Variants in VAPA observed in about 807,000 individuals in gnomAD.
The protein encoded by VAPA is vesicle-associated membrane protein-associated protein A.
In VAPA, 6 loss-of-function variants were observed where a neutral mutation model predicts 25.6. The observed-to-expected ratio is 0.23, with a 90% confidence interval of 0.13 to 0.46. The LOEUF is 0.46. VAPA is among the 20% of genes least tolerant of loss of function. The pLI is 0.99. For synonymous variants in VAPA, 112 were observed against 106.2 expected, an observed-to-expected ratio of 1.05 and a Z score of -0.34; for missense variants, 244 against 302.1, an observed-to-expected ratio of 0.81 and a Z score of 1.43.
chr18:9,917,752 G>C (rs2069123910), intron 1 of VAPA, among the ~76,000 whole-genome samples: 1 of 152,160 alleles, frequency 6.6e-6, no homozygotes, highest in Admixed American at 6.5e-5. Flanking sequence ...CTGAGGGATC[G>C]AGGGACGTAT....
At chr18:9,918,148 C>G (rs929461250) in intron 1 of VAPA, among the ~76,000 whole-genome samples, 1 of 152,136 alleles carries the variant, frequency 6.6e-6, no homozygotes, top group African/African-American at 2.4e-5. Context: ...TCTATTTTTG[C>G]TGGCTAAGGT....
chr18:9,918,392 T>TA (rs1300042773), intron 1 of VAPA, among the ~76,000 whole-genome samples: 1 of 152,228 alleles, frequency 6.6e-6, no homozygotes, highest in Admixed American at 6.5e-5. Flanking sequence ...TTTTTCCAGT[T>TA]ACTCACCTTT....
At chr18:9,930,485 T>C (rs2069242828) in intron 1 of VAPA, among the ~76,000 whole-genome samples, 1 of 152,144 alleles carries the variant, frequency 6.6e-6, no homozygotes, top group South Asian at 2.1e-4. Flanking sequence ...TGTGGATTCA[T>C]GTAGTGAAAT....
In VAPA at chr18:9,956,018, G is replaced by T. The variant is rs942639053; in HGVS notation, c.*1807G>T. The T allele has an allele frequency of 2.0e-5, 3 of 152,014 alleles. No individual in the cohort carries two copies. Among genetic ancestry groups the T allele is most frequent in the Non-Finnish European group, 4.4e-5 (3 of 67,998 alleles). The allele number at this position is 152,014 out of a possible 1,614,324, so 9.4% of individuals were successfully genotyped here. On this transcript the variant is annotated 3_prime_UTR_variant, in exon 6 of 6. Transcript: ENST00000400000. ...CTCTTATATAATCAATATTATTGGT[G>T]GTAAATACCAAGTTTGGTATCTCAT...
Position 9,954,419 on chromosome 18 carries a change from C to T in VAPA, c.*208C>T. ...CGGCTACTGGACAGGTTGTATATTA[C>T]CAGATCATCACTAGCAGATGTCAGT... On this transcript the variant is annotated 3_prime_UTR_variant, in exon 6 of 6. Coordinates refer to ENST00000400000, the MANE Select transcript of VAPA (RefSeq NM_194434.3). 6.1e-6 allele frequency: 3 copies of T among 487,862 alleles called. No homozygotes were observed. Among genetic ancestry groups the T allele is most frequent in the Non-Finnish European group, 1.1e-5 (3 of 279,244 alleles). 30.2% of individuals were successfully genotyped at this position (487,862 alleles called of 1,614,324 possible). A position where few individuals can be genotyped will look rare whatever the true frequency, so the allele number is the denominator to read the frequency against.
At chr18:9,933,276 A>G (rs2069275289) in intron 2 of VAPA, among the ~76,000 whole-genome samples, 1 of 152,152 alleles carries the variant, frequency 6.6e-6, no homozygotes, top group Non-Finnish European at 1.5e-5. Context: ...AAAGGCCATG[A>G]AGGACAGACC....
At chr18:9,952,401 T>G (rs920343213) in intron 5 of VAPA, among the ~76,000 whole-genome samples, 11 of 151,958 alleles carry the variant, frequency 7.2e-5, no homozygotes, top group Non-Finnish European at 1.3e-4. Flanking sequence ...ACCCCGTCTC[T>G]ATTAAAAATA....
In VAPA at chr18:9,954,143, C is replaced by A; in HGVS notation, c.682C>A (p.Leu228Ile). Residue 228 changes from leucine (L) to isoleucine (I), a missense_variant, in exon 6 of 6, where the codon CTT (leucine) becomes ATT (isoleucine). Leu to Ile is a conservative substitution (Grantham distance 5). Coordinates refer to ENST00000400000, the MANE Select transcript of VAPA (RefSeq NM_194434.3). ...ASFRDNVTSP[L>I]PSLLVVIAAI... Reference sequence around the variant, plus strand: ...CTTCAGAGATAATGTCACCAGTCCTCTTCCTTCACTTCTTGTTGTAATTGC... The same window carrying A: ...CTTCAGAGATAATGTCACCAGTCCTATTCCTTCACTTCTTGTTGTAATTGC... 1 of 1,613,946 alleles carries A rather than the reference C, an allele frequency of 6.2e-7. No individual in the cohort carries two copies. Among genetic ancestry groups the A allele is most frequent in the South Asian group, 1.1e-5 (1 of 91,076 alleles).
rs1193369556 is a variant in VAPA, at chr18:9,950,697, C to T, written c.591+129C>T. The T allele has an allele frequency of 3.0e-5, 26 of 871,152 alleles. No individual in the cohort carries two copies. In the South Asian group the frequency reaches 4.2e-4, roughly 14 times the overall value. 54.0% of individuals were successfully genotyped at this position (871,152 alleles called of 1,614,324 possible). On this transcript the variant is annotated intron_variant, in intron 5 of 5. Transcript: ENST00000400000. ...AGTTCTTTCTTCTTTGCCCCAGTGC[C>T]TTTGCTCCCCACCCTACTCCTCTTT...
chr18:9,942,230 C>A (rs2143392828), intron 4 of VAPA, among the ~76,000 whole-genome samples: 1 of 152,270 alleles, frequency 6.6e-6, no homozygotes, highest in East Asian at 1.9e-4. Flanking sequence ...CACAGTCAAG[C>A]TAATTAACCT....
intron 1 of VAPA, among the ~76,000 whole-genome samples, chr18:9,927,989 T>C (rs1234365737): frequency 6.6e-6 from 1 of 152,152 alleles, no homozygotes; most frequent in Non-Finnish European, 1.5e-5. Flanking sequence ...CAAATAAATG[T>C]AACGTATGCA....
chr18:9,940,302 T>C (rs939173333), intron 4 of VAPA, among the ~76,000 whole-genome samples: 2 of 152,174 alleles, frequency 1.3e-5, no homozygotes, highest in East Asian at 3.9e-4. Context: ...TCATAGTCTT[T>C]GGTAATTTTC....
At chr18:9,936,545 C>G (rs995581288) in intron 3 of VAPA, 25 of 200,780 alleles carry the variant, frequency 1.2e-4, no homozygotes, top group African/African-American at 5.6e-4. Context: ...CCTGTCTCTA[C>G]AAAAACAAAC....
At chr18:9,919,361 TTGAG>T (rs1465052168) in intron 1 of VAPA, among the ~76,000 whole-genome samples, 1 of 152,230 alleles carries the variant, frequency 6.6e-6, no homozygotes, top group Non-Finnish European at 1.5e-5. Context: ...TTGATTAGAT[TTGAG>T]TATCTGCTAC....
chr18:9,952,623 T>G (rs1832389130), intron 5 of VAPA, among the ~76,000 whole-genome samples: 1 of 151,558 alleles, frequency 6.6e-6, no homozygotes, highest in South Asian at 2.1e-4. Context: ...TTTCAGACCC[T>G]ATACACAGGC....
intron 2 of VAPA, among the ~76,000 whole-genome samples, chr18:9,935,837 G>T (rs1009975421): frequency 6.6e-6 from 1 of 152,084 alleles, no homozygotes; most frequent in Non-Finnish European, 1.5e-5. Context: ...TTATTTTGTT[G>T]GTTGTGCAAA....
At chr18:9,930,647 A>G (rs1168863146) in intron 1 of VAPA, among the ~76,000 whole-genome samples, 1 of 152,090 alleles carries the variant, frequency 6.6e-6, no homozygotes, top group Non-Finnish European at 1.5e-5. Flanking sequence ...TGACCATATA[A>G]TGAAACAAGC....
chr18:9,932,977 G>A (rs1847515514), intron 2 of VAPA, among the ~76,000 whole-genome samples: 1 of 151,946 alleles, frequency 6.6e-6, no homozygotes, highest in Non-Finnish European at 1.5e-5. Flanking sequence ...GTGTGGTGGT[G>A]GGCGCCTGTA....
At chr18:9,937,122 T>G in intron 4 of VAPA, 56 bp downstream of exon 4, 1 of 1,446,372 alleles carries the variant, frequency 6.9e-7, no homozygotes, top group Middle Eastern at 1.8e-4. Flanking sequence ...GTTCCTTTGA[T>G]TAATTTTGCT....
Sources: gnomAD v4.1 joint callset for allele counts (sites outside exome capture counted in the v4.1 genomes callset) on GRCh38, gnomAD v4.1.1 for gene constraint, MANE v1.5 for transcripts, NCBI Gene and HGNC (gene_info 2026-07-23, HGNC 2026-07-21) for gene names.